FAM110B: variants seen among roughly 807,000 people sequenced by gnomAD.
FAM110B encodes family with sequence similarity 110 member B.
Under a neutral mutation model 20.4 loss-of-function variants are expected in FAM110B, and 6 were observed. That is an observed-to-expected ratio of 0.29 (90% CI 0.16 to 0.58). FAM110B has a LOEUF of 0.58. Ranked by LOEUF, FAM110B falls within the 20% of genes least tolerant of loss-of-function variation. The pLI, the probability that FAM110B is intolerant of heterozygous loss-of-function variation, is 0.90. For missense variants in FAM110B, 434 were observed against 498.2 expected, an observed-to-expected ratio of 0.87 and a Z score of 1.23; for synonymous variants, 226 against 214.1, an observed-to-expected ratio of 1.06 and a Z score of -0.49.
At chr8:58,037,672 A>G (rs1043576741) in intron 2 of FAM110B, among the ~76,000 whole-genome samples, 1 of 152,092 alleles carries the variant, frequency 6.6e-6, no homozygotes, top group Admixed American at 6.5e-5. Context: ...TAGGTTGCAT[A>G]CATCAGTCAT....
intron 3 of FAM110B, among the ~76,000 whole-genome samples, chr8:58,123,029 C>T (rs1427394003): frequency 6.6e-6 from 1 of 152,214 alleles, no homozygotes; most frequent in Non-Finnish European, 1.5e-5. Flanking sequence ...TTCTGGAAAG[C>T]ATCCTGTGTT....
intron 3 of FAM110B, among the ~76,000 whole-genome samples, chr8:58,102,660 G>A (rs1806806669): frequency 6.6e-6 from 1 of 152,108 alleles, no homozygotes; most frequent in African/African-American, 2.4e-5. Context: ...AGTTGCAGGA[G>A]CTTTCTTGTC....
At position 58,147,508 on chromosome 8, in the gene FAM110B, G is replaced by GC; in HGVS notation, c.*165_*166insC. 1 of 835,472 alleles carries GC rather than the reference G, an allele frequency of 1.2e-6. No individual in the cohort carries two copies. The highest frequency in any genetic ancestry group is 3.0e-5 in the Admixed American group (1 of 33,504). The allele number at this position is 835,472 out of a possible 1,614,324, so 51.8% of individuals were successfully genotyped here. ...ACATGGGGACTGACCTGGCTTCCACGTCACCATCGCTACAGAGCCTGGCTG... is the reference window on the plus strand; with the variant it reads ...ACATGGGGACTGACCTGGCTTCCACGCTCACCATCGCTACAGAGCCTGGCTG... On this transcript the variant is annotated 3_prime_UTR_variant, in exon 4 of 4. Coordinates refer to ENST00000519262, the MANE Select transcript of FAM110B (RefSeq NM_001377989.1).
chr8:58,110,150 T>G (rs1256057469), intron 3 of FAM110B, among the ~76,000 whole-genome samples: 2 of 152,210 alleles, frequency 1.3e-5, no homozygotes, highest in Non-Finnish European at 2.9e-5. Flanking sequence ...AGTATTCATT[T>G]TTTATATTTG....
chr8:58,070,222 G>T (rs1805861252), intron 2 of FAM110B: 1 of 152,214 alleles, frequency 6.6e-6, no homozygotes, highest in South Asian at 2.1e-4. Context: ...TAGAGACATA[G>T]ATACAGAGGT....
intron 2 of FAM110B, among the ~76,000 whole-genome samples, chr8:58,046,642 G>C (rs1005920803): frequency 6.6e-6 from 1 of 152,162 alleles, no homozygotes; most frequent in African/African-American, 2.4e-5. Flanking sequence ...AACTCCCTTA[G>C]AGCAGGAATC....
chr8:58,110,730 T>C (rs1365551947), intron 3 of FAM110B, among the ~76,000 whole-genome samples: 1 of 152,190 alleles, frequency 6.6e-6, no homozygotes, highest in Non-Finnish European at 1.5e-5. Context: ...ATCAACAGGG[T>C]GTAGCCATTT....
intron 3 of FAM110B, among the ~76,000 whole-genome samples, chr8:58,094,587 C>A (rs1339388150): frequency 1.3e-5 from 2 of 152,194 alleles, no homozygotes; most frequent in African/African-American, 4.8e-5. Context: ...CCTTGCATCA[C>A]AGGGATGAAG....
At chr8:58,140,780 G>C (rs1043775589) in intron 3 of FAM110B, among the ~76,000 whole-genome samples, 1 of 152,146 alleles carries the variant, frequency 6.6e-6, no homozygotes, top group Non-Finnish European at 1.5e-5. Context: ...CCCTGATGAG[G>C]GATGCCCTCG....
intron 1 of FAM110B, among the ~76,000 whole-genome samples, chr8:58,004,559 A>C (rs1804362885): frequency 6.6e-6 from 1 of 152,226 alleles, no homozygotes; most frequent in Non-Finnish European, 1.5e-5. Context: ...AGCCTGGCCA[A>C]CATGGCGAAA....
At chr8:58,045,867 C>T (rs1431920072) in intron 2 of FAM110B, among the ~76,000 whole-genome samples, 5 of 152,184 alleles carry the variant, frequency 3.3e-5, no homozygotes, top group East Asian at 1.9e-4. Flanking sequence ...AAATTGATTG[C>T]TCACAGTTTT....
At chr8:58,097,422 T>G (rs1013011227) in intron 3 of FAM110B, among the ~76,000 whole-genome samples, 6 of 152,194 alleles carry the variant, frequency 3.9e-5, no homozygotes, top group Admixed American at 1.3e-4. Flanking sequence ...TCTAAACTGG[T>G]TATTTTAGTT....
intron 2 of FAM110B, among the ~76,000 whole-genome samples, chr8:58,037,853 G>C (rs935245846): frequency 2.0e-5 from 3 of 151,906 alleles, no homozygotes; most frequent in African/African-American, 7.3e-5. Flanking sequence ...TTGTTGTCTG[G>C]GGCCGTCATA....
At chr8:58,006,880 C>T (rs1281553542) in intron 1 of FAM110B, among the ~76,000 whole-genome samples, 3 of 108,724 alleles carry the variant, frequency 2.8e-5, no homozygotes, top group African/African-American at 9.2e-5. Flanking sequence ...GAGGCCTGAG[C>T]CACTGGGCCT....
At chr8:58,118,102 A>C (rs191099820) in intron 3 of FAM110B, among the ~76,000 whole-genome samples, 3 of 152,340 alleles carry the variant, frequency 2.0e-5, no homozygotes, top group Admixed American at 6.5e-5. Flanking sequence ...TTTAAGTTTT[A>C]AAAATGTTTA....
At chr8:58,003,137 G>T (rs1804333000) in intron 1 of FAM110B, among the ~76,000 whole-genome samples, 1 of 152,176 alleles carries the variant, frequency 6.6e-6, no homozygotes, top group Non-Finnish European at 1.5e-5. Context: ...AGCAGGAGTA[G>T]ATTCCATCTC....
intron 2 of FAM110B, among the ~76,000 whole-genome samples, chr8:58,056,558 C>G (rs145609482): frequency 3.9e-5 from 6 of 152,306 alleles, no homozygotes; most frequent in Admixed American, 6.5e-5. Context: ...CATGTATCTG[C>G]TAAGTGCTCC....
intron 1 of FAM110B, among the ~76,000 whole-genome samples, chr8:58,008,218 C>T (rs537084878): frequency 2.0e-5 from 3 of 151,436 alleles, no homozygotes; most frequent in Admixed American, 2.0e-4. Flanking sequence ...CTGCAACCTC[C>T]ACCTTCCGGG....
intron 2 of FAM110B, among the ~76,000 whole-genome samples, chr8:58,042,672 T>C (rs1161815899): frequency 1.3e-5 from 2 of 152,234 alleles, no homozygotes; most frequent in Non-Finnish European, 2.9e-5. Flanking sequence ...GATGTAGGTG[T>C]GAGAGAAGCT....
Sources: gnomAD v4.1 joint callset for allele counts (sites outside exome capture counted in the v4.1 genomes callset) on GRCh38, gnomAD v4.1.1 for gene constraint, MANE v1.5 for transcripts, NCBI Gene and HGNC (gene_info 2026-07-23, HGNC 2026-07-21) for gene names.